The following KCNMB2 variants were observed in gnomAD, a reference collection of about 807,000 sequenced individuals.
The protein encoded by KCNMB2 is calcium-activated potassium channel subunit beta-2.
KCNMB2 carries 9 observed loss-of-function variants against 24.5 expected under a neutral mutation model. The observed-to-expected ratio is 0.37, with a 90% CI of 0.22 to 0.64. The LOEUF is 0.64. Among genes scored for constraint, KCNMB2 ranks in the 30% least tolerant of loss-of-function variants. KCNMB2 has a pLI of 0.63. For synonymous variants in KCNMB2, 109 were observed against 104.4 expected, an observed-to-expected ratio of 1.04 and a Z score of -0.27; for missense variants, 226 against 284.3, an observed-to-expected ratio of 0.79 and a Z score of 1.47.
At chr3:178,608,603 A>T (rs1416706091) in intron 1 of KCNMB2, among the ~76,000 whole-genome samples, 2 of 152,160 alleles carry the variant, frequency 1.3e-5, no homozygotes, top group African/African-American at 4.8e-5. Context: ...CTATTGTGCT[A>T]TTGAATAGTA....
At chr3:178,557,184 A>C (rs1462417382) in intron 1 of KCNMB2, among the ~76,000 whole-genome samples, 2 of 152,174 alleles carry the variant, frequency 1.3e-5, no homozygotes, top group Admixed American at 1.3e-4. Context: ...GATTCTGATC[A>C]GGATTATTTA....
chr3:178,601,543 A>G (rs1718085010), intron 1 of KCNMB2, among the ~76,000 whole-genome samples: 2 of 152,160 alleles, frequency 1.3e-5, no homozygotes, highest in Non-Finnish European at 1.5e-5. Context: ...CTGACTCAGA[A>G]AGAACACTTC....
intron 1 of KCNMB2, among the ~76,000 whole-genome samples, chr3:178,543,960 C>T (rs1209947995): frequency 6.6e-6 from 1 of 152,152 alleles, no homozygotes; most frequent in Non-Finnish European, 1.5e-5. Context: ...ATTTGGTTCA[C>T]TTATCTGCCT....
intron 1 of KCNMB2, among the ~76,000 whole-genome samples, chr3:178,722,491 A>G (rs1019272326): frequency 3.3e-5 from 5 of 152,230 alleles, no homozygotes; most frequent in Admixed American, 2.6e-4. Context: ...GAGAGGGCTG[A>G]ACTCATTTTT....
At chr3:178,744,113 T>A (rs1204049695) in intron 1 of KCNMB2, among the ~76,000 whole-genome samples, 1 of 152,212 alleles carries the variant, frequency 6.6e-6, no homozygotes, top group East Asian at 1.9e-4. Flanking sequence ...CTTTGAAATG[T>A]CTATGATCAG....
intron 1 of KCNMB2, among the ~76,000 whole-genome samples, chr3:178,764,470 A>G (rs996598604): frequency 3.4e-4 from 52 of 152,352 alleles, no homozygotes; most frequent in African/African-American, 1.2e-3. Context: ...TAAAGTAACA[A>G]ACTTCAGATT....
In KCNMB2 at chr3:178,600,086, C is replaced by G. The variant is rs551671244; in HGVS notation, c.-68+63375C>G. On this transcript the variant is annotated intron_variant, in intron 1 of 4. Transcript: ENST00000452583. ...AGAGAAGGGGTTTCATCATGTTGGC[C>G]AGGTTGGTCTTGAACTCCTGACCTC... is the stretch of plus-strand genomic sequence containing the variant. 2.0e-5 allele frequency among the ~76,000 whole-genome samples: 3 copies of G among 152,198 alleles called. No homozygotes were observed. The South Asian group carries it at 6.2e-4, about 32-fold the overall frequency.
At chr3:178,560,397 T>A (rs2108463616) in intron 1 of KCNMB2, among the ~76,000 whole-genome samples, 1 of 152,280 alleles carries the variant, frequency 6.6e-6, no homozygotes, top group South Asian at 2.1e-4. Context: ...ATCTGGAGGG[T>A]ATTTCTCATG....
intron 1 of KCNMB2, among the ~76,000 whole-genome samples, chr3:178,741,625 A>G (rs1202522779): frequency 2.0e-5 from 3 of 152,208 alleles, no homozygotes; most frequent in East Asian, 3.9e-4. Flanking sequence ...GAGGACATTG[A>G]TCCTCTCCAG....
intron 1 of KCNMB2, among the ~76,000 whole-genome samples, chr3:178,763,820 T>C (rs1712011178): frequency 6.6e-6 from 1 of 152,224 alleles, no homozygotes; most frequent in Non-Finnish European, 1.5e-5. Flanking sequence ...TTCTGTCATT[T>C]ACTGGTGGCA....
At position 178,751,573 on chromosome 3, in the gene KCNMB2, C is replaced by CAAAAA. The variant is rs61148761; in HGVS notation, c.-67-55742_-67-55738dup. Among the ~76,000 whole-genome samples the CAAAAA allele has an allele frequency of 1.3e-3, 62 of 47,716 alleles. 1 individual carries two copies. The highest frequency in any genetic ancestry group is 5.9e-3 in the East Asian group (6 of 1,022). The allele number at this position is 47,716 out of a possible 152,430, so 31.3% of individuals were successfully genotyped here. ...CGAGCAACAGTGCGAGACTCCGTCT[C>CAAAAA]AAAAAAAAAAAAAAAAAAAAAAAAA... On this transcript the variant is annotated intron_variant, in intron 1 of 4. Transcript: ENST00000452583.
At chr3:178,688,080 G>C (rs1040262242) in intron 1 of KCNMB2, among the ~76,000 whole-genome samples, 1 of 152,116 alleles carries the variant, frequency 6.6e-6, no homozygotes, top group Non-Finnish European at 1.5e-5. Context: ...TGAGAATCAA[G>C]GATTAAGTGG....
chr3:178,765,065 TA>T (rs1474884306), intron 1 of KCNMB2, among the ~76,000 whole-genome samples: 5 of 152,240 alleles, frequency 3.3e-5, no homozygotes, highest in African/African-American at 1.2e-4. Context: ...GAATCTTCAC[TA>T]AATTACAGTG....
intron 1 of KCNMB2, among the ~76,000 whole-genome samples, chr3:178,704,523 C>T (rs1172374222): frequency 1.3e-5 from 2 of 152,066 alleles, no homozygotes; most frequent in Non-Finnish European, 2.9e-5. Flanking sequence ...GGGCTAGTGG[C>T]TATTGTATTT....
intron 1 of KCNMB2, among the ~76,000 whole-genome samples, chr3:178,767,255 T>C (rs899260999): frequency 1.3e-5 from 2 of 152,168 alleles, no homozygotes; most frequent in African/African-American, 4.8e-5. Context: ...TCAAAATAGG[T>C]AGATCTTGAA....
intron 1 of KCNMB2, among the ~76,000 whole-genome samples, chr3:178,592,721 T>C (rs1424994703): frequency 6.6e-6 from 1 of 152,102 alleles, no homozygotes; most frequent in Non-Finnish European, 1.5e-5. Context: ...GCTTATTTTG[T>C]TTTACGAGAG....
At chr3:178,634,130 C>A (rs1437227773) in intron 1 of KCNMB2, among the ~76,000 whole-genome samples, 1 of 152,184 alleles carries the variant, frequency 6.6e-6, no homozygotes, top group Non-Finnish European at 1.5e-5. Context: ...GTCTTCTGAG[C>A]CCTCCAAGTC....
chr3:178,677,602 C>A lies in KCNMB2; in HGVS notation c.-67-129741C>A, dbSNP rs139051426. Among the ~76,000 whole-genome samples the A allele has an allele frequency of 1.3e-3, 197 of 152,318 alleles. 4 individuals are homozygous for A. Among genetic ancestry groups the A allele is most frequent in the African/African-American group, 4.6e-3 (192 of 41,574 alleles). Reference sequence around the variant, plus strand: ...CACTTCCCAGCCTCCTCCTAAAACCCCTGGCCTGTCGTCTGTGCACCATGT... The same window carrying A: ...CACTTCCCAGCCTCCTCCTAAAACCACTGGCCTGTCGTCTGTGCACCATGT... On this transcript the variant is annotated intron_variant, in intron 1 of 4. Coordinates refer to ENST00000452583, the MANE Select transcript of KCNMB2 (RefSeq NM_181361.3).
intron 4 of KCNMB2, among the ~76,000 whole-genome samples, chr3:178,828,782 C>T (rs1714938530): frequency 6.6e-6 from 1 of 152,104 alleles, no homozygotes; most frequent in Non-Finnish European, 1.5e-5. Context: ...AGTTCTGTGA[C>T]CTCAGGGATA....
Sources: gnomAD v4.1 joint callset for allele counts (sites outside exome capture counted in the v4.1 genomes callset) on GRCh38, gnomAD v4.1.1 for gene constraint, MANE v1.5 for transcripts, NCBI Gene and HGNC (gene_info 2026-07-23, HGNC 2026-07-21) for gene names.